Variants in SCHIP1 observed in about 807,000 individuals in gnomAD.
The protein encoded by SCHIP1 is schwannomin-interacting protein 1.
SCHIP1 carries 8 observed loss-of-function variants against 29.7 expected under a neutral mutation model. The observed-to-expected ratio is 0.27, with a 90% CI of 0.16 to 0.49. The LOEUF (loss-of-function observed/expected upper bound fraction) is 0.49. SCHIP1 is among the 20% of genes least tolerant of loss of function. The pLI is 0.99. For missense variants in SCHIP1, 193 were observed against 294.6 expected (o/e 0.66, Z 2.52); for synonymous variants, 76 against 94.9 (o/e 0.80, Z 1.16).
At chr3:159,475,219 A>G in the SCHIP1 span, among the ~76,000 whole-genome samples, 13 of 152,196 alleles carry the variant, frequency 8.5e-5, no homozygotes, top group Admixed American at 5.9e-4. Context: ...TGGTATACTC[A>G]TACAATGAAA....
At chr3:159,789,244 A>G in the SCHIP1 span, among the ~76,000 whole-genome samples, 68 of 152,262 alleles carry the variant, frequency 4.5e-4, no homozygotes, top group African/African-American at 1.4e-3. Context: ...TGCAATCTTG[A>G]GTCTAAAGGC....
rs755443708 is a variant in SCHIP1, at chr3:159,887,763, C to G, written c.323C>G (p.Ser108Cys). The G allele has an allele frequency of 9.3e-6, 15 of 1,613,902 alleles. No homozygotes were observed. The highest frequency in any genetic ancestry group is 1.2e-5 in the Non-Finnish European group (14 of 1,179,894). The change falls in exon 4 of 7, where the codon TCC becomes TGC. Residue 108 changes from serine to cysteine, a missense_variant. Transcript: ENST00000445224. ...GACACTACTGAAGAGGAGTCTGAAT[C>G]CTTGGATGACATGGACTTCCTTACA...
At chr3:159,404,158 G>T in the SCHIP1 span, among the ~76,000 whole-genome samples, 1 of 152,136 alleles carries the variant, frequency 6.6e-6, no homozygotes, top group East Asian at 1.9e-4. Context: ...TGGGCCTTGG[G>T]TAAGATTCAG....
At chr3:159,675,246 GA>G in the SCHIP1 span, among the ~76,000 whole-genome samples, 3 of 152,214 alleles carry the variant, frequency 2.0e-5, no homozygotes, top group African/African-American at 7.2e-5. Context: ...CCATGCTTTG[GA>G]AAATCCCATG....
the SCHIP1 span, among the ~76,000 whole-genome samples, chr3:159,533,474 TTTTGGGTTTTTTTCTC>T: frequency 6.6e-6 from 1 of 152,172 alleles, no homozygotes; most frequent in Admixed American, 6.5e-5. Flanking sequence ...TAATACATTA[TTTTGGGTTTTTTTCTC>T]ACAGCAACCA....
chr3:159,373,150 T>C, the SCHIP1 span, among the ~76,000 whole-genome samples: 1 of 151,954 alleles, frequency 6.6e-6, no homozygotes, highest in Non-Finnish European at 1.5e-5. Flanking sequence ...ATTTAAAATA[T>C]GCAAATATTT....
chr3:159,668,213 C>A, the SCHIP1 span, among the ~76,000 whole-genome samples: 2 of 151,644 alleles, frequency 1.3e-5, no homozygotes, highest in African/African-American at 4.8e-5. Context: ...ACTAAAAATA[C>A]CAAAAGAAAA....
chr3:159,461,214 T>C, the SCHIP1 span, among the ~76,000 whole-genome samples: 2 of 152,194 alleles, frequency 1.3e-5, no homozygotes, highest in African/African-American at 4.8e-5. Flanking sequence ...CTATCCTCTC[T>C]GCATACCTTC....
the SCHIP1 span, among the ~76,000 whole-genome samples, chr3:159,711,069 A>G: frequency 6.6e-6 from 1 of 152,170 alleles, no homozygotes; most frequent in Non-Finnish European, 1.5e-5. Context: ...GATTAATAAC[A>G]CTAGTTTCAT....
chr3:159,813,269 A>G, the SCHIP1 span, among the ~76,000 whole-genome samples: 1 of 152,224 alleles, frequency 6.6e-6, no homozygotes, highest in East Asian at 1.9e-4. Flanking sequence ...TTATTCTCAC[A>G]GTAACACTGG....
At chr3:159,335,876 G>T in the SCHIP1 span, among the ~76,000 whole-genome samples, 3,661 of 152,250 alleles carry the variant, frequency 0.024, 148 homozygotes, top group African/African-American at 0.085. Context: ...GGATGGCTGC[G>T]TCAAATGGTA....
chr3:159,438,216 T>G, the SCHIP1 span, among the ~76,000 whole-genome samples: 44,685 of 151,910 alleles, frequency 0.29, 8,413 homozygotes, highest in African/African-American at 0.53. Context: ...CGAAATGGGG[T>G]ATAGGGCTGG....
the SCHIP1 span, among the ~76,000 whole-genome samples, chr3:159,823,675 A>C: frequency 6.6e-6 from 1 of 152,190 alleles, no homozygotes; most frequent in African/African-American, 2.4e-5. Context: ...TTTCCTTCCC[A>C]GACTGAAAAC....
At chr3:159,348,678 G>A in the SCHIP1 span, among the ~76,000 whole-genome samples, 2 of 152,084 alleles carry the variant, frequency 1.3e-5, no homozygotes, top group Non-Finnish European at 1.5e-5. Flanking sequence ...CCATCTGGCA[G>A]CATCTTCCTA....
At chr3:159,305,561 C>T in the SCHIP1 span, among the ~76,000 whole-genome samples, 2 of 152,178 alleles carry the variant, frequency 1.3e-5, no homozygotes, top group African/African-American at 4.8e-5. Flanking sequence ...GACCATGTCC[C>T]ATCAATAATA....
chr3:159,533,387 G>C, the SCHIP1 span, among the ~76,000 whole-genome samples: 1 of 152,142 alleles, frequency 6.6e-6, no homozygotes, highest in South Asian at 2.1e-4. Context: ...GTAGGCAAAA[G>C]CACACCATCC....
At chr3:159,765,152 G>T in the SCHIP1 span, 3 of 1,548,394 alleles carry the variant, frequency 1.9e-6, no homozygotes, top group Admixed American at 3.9e-5. Context: ...AGTTGGCCGG[G>T]GTGCGTGCCC....
the SCHIP1 span, among the ~76,000 whole-genome samples, chr3:159,619,090 T>C: frequency 2.0e-5 from 3 of 152,112 alleles, no homozygotes; most frequent in Non-Finnish European, 2.9e-5. Flanking sequence ...AAGTCAACCA[T>C]GGAAAGCCCT....
the SCHIP1 span, among the ~76,000 whole-genome samples, chr3:159,830,521 G>C: frequency 1.3e-5 from 2 of 152,200 alleles, no homozygotes; most frequent in African/African-American, 4.8e-5. Flanking sequence ...AAACTTCTGA[G>C]TAAATTAATT....
Sources: allele counts gnomAD v4.1 joint callset (sites outside exome capture counted in the v4.1 genomes callset), GRCh38; gene constraint gnomAD v4.1.1; transcripts MANE v1.5; gene names NCBI Gene and HGNC (gene_info 2026-07-23, HGNC 2026-07-21).